CFAP47: variants seen among roughly 807,000 people sequenced by gnomAD.
The protein encoded by CFAP47 is cilia- and flagella-associated protein 47.
Under a neutral mutation model 148.1 loss-of-function variants are expected in CFAP47, and 29 were observed. That is an observed-to-expected ratio of 0.20 (90% CI 0.15 to 0.27). The LOEUF (loss-of-function observed/expected upper bound fraction) is 0.27, where lower values mean the gene tolerates loss of function less well. CFAP47 is among the 10% of genes least tolerant of loss of function. The probability of loss-of-function intolerance (pLI) is 1.00; values close to 1 mark genes in which losing one functional copy is unlikely to be tolerated. For missense variants in CFAP47, 1,872 were observed against 1,697.5 expected (o/e 1.10, Z -1.81); for synonymous variants, 664 against 577.3 (o/e 1.15, Z -2.15).
chrX:36,131,371 TGA>T (rs1938945754), intron 33 of CFAP47, among the ~76,000 whole-genome samples: 1 of 110,908 alleles, frequency 9.0e-6, no homozygotes, highest in African/African-American at 3.3e-5. Context: ...GATTAACTAA[TGA>T]GAGAGGTTAT....
At chrX:36,020,107 G>T (rs1351832110) in intron 22 of CFAP47, among the ~76,000 whole-genome samples, 1 of 111,505 alleles carries the variant, frequency 9.0e-6, no homozygotes, top group East Asian at 2.8e-4. Flanking sequence ...CATAGGTTTG[G>T]ATATGTTATG....
At chrX:36,327,358 T>C (rs1205301828) in intron 57 of CFAP47, among the ~76,000 whole-genome samples, 2 of 111,928 alleles carry the variant, frequency 1.8e-5, no homozygotes, top group Non-Finnish European at 3.8e-5. Flanking sequence ...AACAAACGTA[T>C]GAAAAAATGC....
In CFAP47 at chrX:36,018,048, T is replaced by A. The variant is rs1365953334; in HGVS notation, c.3556+3136T>A. 2.7e-5 allele frequency among the ~76,000 whole-genome samples: 3 copies of A among 111,429 alleles called. No individual in the cohort carries two copies. The East Asian group carries it at 8.5e-4, about 32-fold the overall frequency. On this transcript the variant is annotated intron_variant, in intron 22 of 63. Transcript: ENST00000378653. ...CGTCCTCTTCAATTTCTTTCATTAATGTTTCATAATTTTCATTGTAGAGTT... is the reference window on the plus strand; with the variant it reads ...CGTCCTCTTCAATTTCTTTCATTAAAGTTTCATAATTTTCATTGTAGAGTT...
chrX:35,998,142 A>G (rs1323319661), intron 19 of CFAP47, among the ~76,000 whole-genome samples: 1 of 111,611 alleles, frequency 9.0e-6, no homozygotes, highest in Non-Finnish European at 1.9e-5. Context: ...TTATATTGTC[A>G]GATTTAAATT....
chrX:36,305,225 A>C (rs1941337646), intron 54 of CFAP47, among the ~76,000 whole-genome samples: 1 of 112,003 alleles, frequency 8.9e-6, no homozygotes, highest in African/African-American at 3.2e-5. Context: ...TAATCTTAGA[A>C]AGCGTATATT....
chrX:35,941,044 A>G (rs192632386), intron 2 of CFAP47, among the ~76,000 whole-genome samples: 123 of 112,011 alleles, frequency 1.1e-3, no homozygotes, highest in African/African-American at 3.8e-3. Flanking sequence ...TTGGGATGAC[A>G]TACCATGCAC....
chrX:36,208,106 A>G (rs1330262102), intron 45 of CFAP47, among the ~76,000 whole-genome samples: 2 of 111,487 alleles, frequency 1.8e-5, no homozygotes, highest in Non-Finnish European at 3.8e-5. Flanking sequence ...TGATCTTCTA[A>G]TGTGACAGAC....
chrX:36,326,304 A>AAC (rs56939762), intron 57 of CFAP47, among the ~76,000 whole-genome samples: 23,058 of 103,314 alleles, frequency 0.22, 2,223 homozygotes, highest in African/African-American at 0.34. Flanking sequence ...CCAATTTCCA[A>AAC]ACACACACAC....
intron 8 of CFAP47, among the ~76,000 whole-genome samples, chrX:35,960,004 A>G: frequency 9.0e-6 from 1 of 110,916 alleles, no homozygotes; most frequent in East Asian, 2.8e-4. Flanking sequence ...ATATAAAAAA[A>G]CCAATTGAAT....
intron 51 of CFAP47, among the ~76,000 whole-genome samples, chrX:36,290,037 CTCTCTTCCTCCCTCCCTCT>C (rs1197724977): frequency 1.8e-5 from 2 of 110,633 alleles, no homozygotes; most frequent in African/African-American, 6.6e-5. Flanking sequence ...CCTCCACACC[CTCTCTTCCTCCCTCCCTCT>C]TCTCTTCCTC....
At chrX:36,222,047 T>A in intron 45 of CFAP47, among the ~76,000 whole-genome samples, 1 of 111,978 alleles carries the variant, frequency 8.9e-6, no homozygotes, top group East Asian at 2.8e-4. Flanking sequence ...TACAGCACTC[T>A]GGTATCTGTC....
intron 33 of CFAP47, among the ~76,000 whole-genome samples, chrX:36,129,682 A>G (rs1379623789): frequency 3.6e-5 from 4 of 111,683 alleles, no homozygotes; most frequent in African/African-American, 1.3e-4. Context: ...ATCCAGCAAT[A>G]TAGAAAAAGA....
At chrX:36,366,887 A>C in intron 61 of CFAP47, 79 bp from the exon 62 acceptor site, 3 of 562,845 alleles carry the variant, frequency 5.3e-6, no homozygotes, top group Non-Finnish European at 7.7e-6. Flanking sequence ...TTACATTTTT[A>C]CCTTAGTTTA....
intron 3 of CFAP47, among the ~76,000 whole-genome samples, chrX:35,942,879 T>A (rs1329844739): frequency 8.9e-6 from 1 of 111,890 alleles, no homozygotes; most frequent in African/African-American, 3.2e-5. Flanking sequence ...GCTATTAGGA[T>A]TATGTTAGTA....
chrX:36,345,114 A>C (rs782795926), intron 57 of CFAP47, among the ~76,000 whole-genome samples: 2 of 112,258 alleles, frequency 1.8e-5, no homozygotes, highest in East Asian at 5.5e-4. Flanking sequence ...GTGTATACAA[A>C]ATGTAATGAC....
intron 26 of CFAP47, among the ~76,000 whole-genome samples, chrX:36,051,111 C>G (rs974772869): frequency 8.9e-6 from 1 of 111,943 alleles, no homozygotes; most frequent in Admixed American, 9.4e-5. Context: ...TTATGAAGAA[C>G]CTCTGCTAGG....
chrX:36,303,704 T>A (rs1018350214), intron 53 of CFAP47, 145 bp from the exon 54 acceptor site: 1 of 356,496 alleles, frequency 2.8e-6, no homozygotes, highest in African/African-American at 2.7e-5. Flanking sequence ...CCAGATAATA[T>A]CACATTCTGA....
intron 39 of CFAP47, among the ~76,000 whole-genome samples, chrX:36,164,601 G>C (rs1450459999): frequency 1.8e-5 from 2 of 111,210 alleles, no homozygotes; most frequent in Non-Finnish European, 3.8e-5. Flanking sequence ...TGGGGGTTTT[G>C]TTTTGTTTTA....
At chrX:36,036,049 G>A (rs902506746) in intron 24 of CFAP47, among the ~76,000 whole-genome samples, 195 bp downstream of exon 24, 1 of 111,106 alleles carries the variant, frequency 9.0e-6, no homozygotes, top group Non-Finnish European at 1.9e-5. Context: ...TATATTCAAG[G>A]TGTACAATGT....
Sources: gnomAD v4.1 joint callset for allele counts (sites outside exome capture counted in the v4.1 genomes callset) on GRCh38, gnomAD v4.1.1 for gene constraint, MANE v1.5 for transcripts, NCBI Gene and HGNC (gene_info 2026-07-23, HGNC 2026-07-21) for gene names.